Variants in DAB2IP observed in about 807,000 individuals in gnomAD.
DAB2IP encodes the protein DAB2 interacting protein.
Under a neutral mutation model 107.2 loss-of-function variants are expected in DAB2IP, and 28 were observed. The observed-to-expected ratio is 0.26, with a 90% CI of 0.19 to 0.36. DAB2IP has a LOEUF of 0.36. DAB2IP is among the 10% of genes least tolerant of loss of function. DAB2IP has a pLI of 1.00. For missense variants in DAB2IP, 1,400 were observed against 1,644.7 expected (o/e 0.85, Z 2.57); for synonymous variants, 755 against 706.4 (o/e 1.07, Z -1.09).
At chr9:121,669,603 T>TA (rs1230632327) in intron 1 of DAB2IP, among the ~76,000 whole-genome samples, 1 of 152,120 alleles carries the variant, frequency 6.6e-6, no homozygotes, top group Admixed American at 6.5e-5. Context: ...TATAACTGTG[T>TA]AGCTTGAGTC....
At chr9:121,594,766 C>T (rs1261651137) in intron 1 of DAB2IP, among the ~76,000 whole-genome samples, 1 of 152,172 alleles carries the variant, frequency 6.6e-6, no homozygotes, top group African/African-American at 2.4e-5. Context: ...TGCTCCAGGA[C>T]ACAGACCCAT....
chr9:121,752,575 G>C (rs908890602), intron 3 of DAB2IP, among the ~76,000 whole-genome samples: 6 of 152,236 alleles, frequency 3.9e-5, no homozygotes, highest in Non-Finnish European at 5.9e-5. Flanking sequence ...TGAAGGTTGG[G>C]TAGGAAGGGG....
chr9:121,778,591 T>C (rs1425366337), intron 14 of DAB2IP, among the ~76,000 whole-genome samples: 1 of 152,238 alleles, frequency 6.6e-6, no homozygotes, highest in Non-Finnish European at 1.5e-5. Context: ...TTCTCTCCTA[T>C]TGACTTATTA....
chr9:121,682,852 C>T lies in DAB2IP; in HGVS notation c.228+4071C>T, dbSNP rs183068730. Among the ~76,000 whole-genome samples, 347 of 152,272 alleles carry T rather than the reference C, an allele frequency of 2.3e-3. 2 individuals carry two copies. Among genetic ancestry groups the T allele is most frequent in the Non-Finnish European group, 1.3e-3 (87 of 68,012 alleles). ...TTTTCTGCCTATCTGGGACAACTCC[C>T]TCCCTCCTATAGGGAGAGTTGGGGG... On this transcript the variant is annotated intron_variant, in intron 2 of 15. Transcript: ENST00000408936.
chr9:121,783,091 G>A, exon 16 of DAB2IP: 1 of 1,046,752 alleles, frequency 9.6e-7, no homozygotes, highest in Non-Finnish European at 1.2e-6. Context: ...CAGCCTGTTG[G>A]GACCTTCCTG....
chr9:121,621,636 CTTTTT>C (rs538942620), intron 1 of DAB2IP, among the ~76,000 whole-genome samples: 1 of 134,872 alleles, frequency 7.4e-6, no homozygotes, highest in Non-Finnish European at 1.6e-5. Flanking sequence ...TCTTTTTTTC[CTTTTT>C]TTTTTTTTTT....
chr9:121,779,960 C>T (rs927653142), intron 14 of DAB2IP, among the ~76,000 whole-genome samples: 8 of 152,216 alleles, frequency 5.3e-5, no homozygotes, highest in South Asian at 2.1e-4. Context: ...GCTTCCAGGC[C>T]GTTCACTGGG....
At chr9:121,657,179 G>C (rs1833004756) in intron 1 of DAB2IP, among the ~76,000 whole-genome samples, 1 of 150,754 alleles carries the variant, frequency 6.6e-6, no homozygotes, top group Admixed American at 6.6e-5. Flanking sequence ...CATGCGACAG[G>C]TCTCAGGGCC....
At chr9:121,678,598 T>G (rs936666750) in intron 1 of DAB2IP, 80 bp from the exon 2 acceptor site, 4 of 1,209,530 alleles carry the variant, frequency 3.3e-6, no homozygotes, top group Non-Finnish European at 4.4e-6. Context: ...TTGTCCTGAC[T>G]GGGATGGGAG....
intron 13 of DAB2IP, among the ~76,000 whole-genome samples, chr9:121,774,926 A>G (rs1378205414): frequency 6.6e-6 from 1 of 152,184 alleles, no homozygotes; most frequent in African/African-American, 2.4e-5. Context: ...CTGGGAAAGA[A>G]ACAGCAGTTA....
intron 1 of DAB2IP, among the ~76,000 whole-genome samples, chr9:121,598,093 T>C (rs994155506): frequency 6.6e-6 from 1 of 152,220 alleles, no homozygotes; most frequent in Non-Finnish European, 1.5e-5. Flanking sequence ...GAGCCCCATT[T>C]TTGGCGTGCA....
chr9:121,685,616 C>T (rs902533822), intron 2 of DAB2IP, among the ~76,000 whole-genome samples: 34 of 152,234 alleles, frequency 2.2e-4, no homozygotes, highest in African/African-American at 8.0e-4. Flanking sequence ...AGCCTTGCTG[C>T]GGTGTGAACG....
Position 121,630,064 on chromosome 9 carries a change from A to G in DAB2IP, c.41-48614A>G, listed in dbSNP as rs576157100. ...ATGATCAACCACAGTGGCATTAGCC[A>G]TTCTATGATGTTGCAGAAATCATAG... On this transcript the variant is annotated intron_variant, in intron 1 of 16. Transcript: ENST00000259371. 4.6e-5 allele frequency among the ~76,000 whole-genome samples: 7 copies of G among 152,328 alleles called. No homozygotes were observed. The East Asian group carries it at 1.3e-3, about 29-fold the overall frequency.
intron 4 of DAB2IP, among the ~76,000 whole-genome samples, chr9:121,757,765 C>G (rs781317578): frequency 5.3e-5 from 8 of 150,658 alleles, no homozygotes; most frequent in Non-Finnish European, 8.8e-5. Context: ...ACTATTGTTG[C>G]AGGTGTTCCT....
At chr9:121,705,008 T>G (rs866680428) in intron 3 of DAB2IP, among the ~76,000 whole-genome samples, 42 of 152,232 alleles carry the variant, frequency 2.8e-4, no homozygotes, top group African/African-American at 9.2e-4. Flanking sequence ...GTCTCATCTC[T>G]AGAGAGGAAG....
At chr9:121,781,529 A>C (rs771331302) in exon 15 of DAB2IP, 3 of 1,613,916 alleles carry the variant, frequency 1.9e-6, no homozygotes, top group Non-Finnish European at 2.5e-6. Flanking sequence ...GTGGACTCCA[A>C]ACAGAAGATC....
chr9:121,641,972 CTT>C (rs200339232), intron 1 of DAB2IP, among the ~76,000 whole-genome samples: 40 of 80,542 alleles, frequency 5.0e-4, no homozygotes, highest in African/African-American at 1.3e-3. Context: ...CTCTCTCTCT[CTT>C]TCTTTCTTTC....
In DAB2IP at chr9:121,782,440, A is replaced by G. The variant is rs747248236; in HGVS notation, c.3512A>G (p.Asn1171Ser). The G allele has an allele frequency of 1.4e-5, 22 of 1,613,756 alleles. No homozygotes were observed. The highest frequency in any genetic ancestry group is 1.6e-4 in the Middle Eastern group (1 of 6,080). ...GCCCGTAACGGCATCTCCCCCACCA[A>G]CCCCACCAAATTGCAGATTACTGAG... Residue 1171 changes from asparagine (N) to serine (S), a missense_variant, in exon 16 of 16, where the codon AAC (asparagine) becomes AGC (serine). Coordinates refer to ENST00000408936, the Ensembl canonical transcript of DAB2IP. This position sits in a 1 kb window ranked among gnomAD's most constrained non-coding sequence, Gnocchi z 6.1.
intron 1 of DAB2IP, among the ~76,000 whole-genome samples, chr9:121,595,358 C>T (rs113610996): frequency 6.6e-6 from 1 of 151,920 alleles, no homozygotes; most frequent in Non-Finnish European, 1.5e-5. Context: ...TTTAGGAGGC[C>T]GAAGCAGGAG....
Sources: allele counts gnomAD v4.1 joint callset (sites outside exome capture counted in the v4.1 genomes callset), GRCh38; gene constraint gnomAD v4.1.1; non-coding constraint Gnocchi (gnomAD v3.1); transcripts MANE v1.5; gene names NCBI Gene and HGNC (gene_info 2026-07-23, HGNC 2026-07-21).